CHSY3: variants seen among roughly 807,000 people sequenced by gnomAD.
CHSY3 encodes the protein chondroitin sulfate synthase 3.
CHSY3 carries 35 observed loss-of-function variants against 67.2 expected under a neutral mutation model. The observed-to-expected ratio is 0.52, with a 90% CI of 0.40 to 0.69. CHSY3 has a LOEUF of 0.69. Among genes scored for constraint, CHSY3 ranks in the 30% least tolerant of loss-of-function variants. CHSY3 has a pLI of 0.00. For missense variants in CHSY3, 1,069 were observed against 1,138.5 expected (o/e 0.94, Z 0.88); for synonymous variants, 474 against 434.7 (o/e 1.09, Z -1.12).
In CHSY3 at chr5:130,076,357, C is replaced by G. The variant is rs561065120; in HGVS notation, c.1087-107872C>G. ...AATCCACAGCCCTCAGTTTCTACCA[C>G]TTTTGCGGTCTTATCACATTCTATG... On this transcript the variant is annotated intron_variant, in intron 2 of 2. Coordinates refer to ENST00000305031, the MANE Select transcript of CHSY3 (RefSeq NM_175856.5). Among the ~76,000 whole-genome samples, 55 of 150,220 alleles carry G rather than the reference C, an allele frequency of 3.7e-4. 1 individual carries two copies. In the South Asian group the frequency reaches 7.8e-3, roughly 21 times the overall value.
intron 2 of CHSY3, among the ~76,000 whole-genome samples, chr5:130,073,370 C>T (rs1056158724): frequency 2.6e-5 from 4 of 151,848 alleles, no homozygotes. Context: ...TCACTGCAAC[C>T]TCTGCCTCCC....
intron 2 of CHSY3, among the ~76,000 whole-genome samples, chr5:130,073,537 G>T (rs1461246395): frequency 6.6e-6 from 1 of 151,910 alleles, no homozygotes; most frequent in African/African-American, 2.4e-5. Context: ...ATCAAAAAGA[G>T]AAAGATAACA....
At chr5:130,117,598 A>G (rs1193249608) in intron 2 of CHSY3, among the ~76,000 whole-genome samples, 2 of 152,176 alleles carry the variant, frequency 1.3e-5, no homozygotes, top group African/African-American at 2.4e-5. Context: ...CATAATAAAC[A>G]AATTTTTTTT....
intron 2 of CHSY3, among the ~76,000 whole-genome samples, chr5:130,087,002 CA>C (rs1309194023): frequency 5.3e-5 from 8 of 152,090 alleles, no homozygotes; most frequent in African/African-American, 1.9e-4. Flanking sequence ...AGCAGCACAT[CA>C]AAAAGCTTAT....
At chr5:129,917,290 G>A (rs1760759780) in intron 2 of CHSY3, among the ~76,000 whole-genome samples, 1 of 152,088 alleles carries the variant, frequency 6.6e-6, no homozygotes, top group South Asian at 2.1e-4. Context: ...TAAAATCTAT[G>A]GATGCTAAAG....
At chr5:130,075,396 C>T (rs544641039) in intron 2 of CHSY3, among the ~76,000 whole-genome samples, 24 of 152,214 alleles carry the variant, frequency 1.6e-4, no homozygotes, top group African/African-American at 5.5e-4. Flanking sequence ...TTAATTACTA[C>T]AGCTTATGCA....
chr5:129,906,974 G>T (rs1044383468), intron 1 of CHSY3, among the ~76,000 whole-genome samples: 1 of 152,166 alleles, frequency 6.6e-6, no homozygotes, highest in Admixed American at 6.5e-5. Flanking sequence ...GGTTGGAATA[G>T]AAAATACTGA....
chr5:130,141,869 A>G (rs79979970), intron 2 of CHSY3: 17,003 of 271,186 alleles, frequency 0.063, 1,342 homozygotes, highest in East Asian at 0.28. Flanking sequence ...GGCACACCAG[A>G]AGGAATGCCT....
intron 2 of CHSY3, among the ~76,000 whole-genome samples, chr5:130,010,108 A>T (rs1764009277): frequency 6.6e-6 from 1 of 152,172 alleles, no homozygotes; most frequent in Admixed American, 6.5e-5. Context: ...GATATTTGGG[A>T]CCTAAACTTG....
At chr5:130,146,648 T>C (rs1196456173) in intron 2 of CHSY3, among the ~76,000 whole-genome samples, 1 of 152,146 alleles carries the variant, frequency 6.6e-6, no homozygotes, top group African/African-American at 2.4e-5. Context: ...GATAAATGCG[T>C]TTATCATTAA....
intron 2 of CHSY3, among the ~76,000 whole-genome samples, chr5:129,971,029 T>C (rs1173086723): frequency 2.0e-5 from 3 of 151,876 alleles, no homozygotes; most frequent in African/African-American, 7.2e-5. Context: ...CTCAGCACAT[T>C]CCTTGGTGTT....
intron 2 of CHSY3, among the ~76,000 whole-genome samples, chr5:129,990,377 AGTGTGTGT>A (rs34958818): frequency 6.8e-6 from 1 of 147,474 alleles, no homozygotes. Context: ...TGAGTGAGTG[AGTGTGTGT>A]GTGTGTGTGT....
intron 2 of CHSY3, among the ~76,000 whole-genome samples, chr5:129,950,166 CAAAAA>C (rs34124435): frequency 2.9e-5 from 4 of 138,944 alleles, no homozygotes; most frequent in Admixed American, 7.2e-5. Context: ...GACTCCATCT[CAAAAA>C]AAAAAAAAAA....
In CHSY3 at chr5:130,012,272, A is replaced by T. The variant is rs144009590; in HGVS notation, c.1086+103912A>T. ...CACATAGACCACTGGGACAGGTTAA[A>T]TAACCCACAAATAAAGCTGCACACC... On this transcript the variant is annotated intron_variant, in intron 2 of 2. Transcript: ENST00000305031. Among the ~76,000 whole-genome samples the T allele has an allele frequency of 2.6e-5, 4 of 152,324 alleles. No individual in the cohort carries two copies. The East Asian group carries it at 7.7e-4, about 29-fold the overall frequency.
At position 130,184,300 on chromosome 5, in the gene CHSY3, A is replaced by C. The variant is rs1177691082; in HGVS notation, c.1158A>C (p.Lys386Asn). 6.2e-7 allele frequency: 1 copy of C among 1,613,904 alleles called. No individual in the cohort carries two copies. Among genetic ancestry groups the C allele is most frequent in the Middle Eastern group, 1.6e-4 (1 of 6,062 alleles). The change falls in exon 3 of 3, where the codon AAA becomes AAC. Residue 386 changes from lysine to asparagine, a missense_variant. By Grantham distance (94) the Lys-to-Asn change is moderately conservative. Coordinates refer to ENST00000305031, the MANE Select transcript of CHSY3 (RefSeq NM_175856.5). ...KGYIQDLHNSKIHAAITLHPN... is the reference protein window; with the variant it reads ...KGYIQDLHNSNIHAAITLHPN... ...ACATCCAAGACCTTCACAATAGCAA[A>C]ATCCATGCAGCCATAACACTTCATC...
intron 2 of CHSY3, among the ~76,000 whole-genome samples, chr5:129,934,675 G>A (rs1032452711): frequency 6.6e-6 from 1 of 152,156 alleles, no homozygotes; most frequent in African/African-American, 2.4e-5. Context: ...ATAAGGCTGA[G>A]TACTGGTCCT....
chr5:130,018,908 A>C (rs1015888402), intron 2 of CHSY3, among the ~76,000 whole-genome samples: 3 of 152,020 alleles, frequency 2.0e-5, no homozygotes, highest in Non-Finnish European at 2.9e-5. Flanking sequence ...GGTTGCTATA[A>C]AGCCAGGATG....
chr5:130,156,420 A>C (rs979204336), intron 2 of CHSY3, among the ~76,000 whole-genome samples: 1 of 152,204 alleles, frequency 6.6e-6, no homozygotes, highest in East Asian at 1.9e-4. Flanking sequence ...TTGCATTTTC[A>C]AAGTGTTTTG....
At chr5:130,060,572 G>A (rs909680047) in intron 2 of CHSY3, among the ~76,000 whole-genome samples, 12 of 152,114 alleles carry the variant, frequency 7.9e-5, no homozygotes, top group African/African-American at 2.9e-4. Flanking sequence ...GAGCAGTCAG[G>A]CAAGAGAAGG....
Sources: gnomAD v4.1 joint callset for allele counts (sites outside exome capture counted in the v4.1 genomes callset) on GRCh38, gnomAD v4.1.1 for gene constraint, MANE v1.5 for transcripts, NCBI Gene and HGNC (gene_info 2026-07-23, HGNC 2026-07-21) for gene names.